Variants in TBC1D4 observed in about 807,000 individuals in gnomAD.
TBC1D4 encodes the protein TBC (Tre-2, BUB2, CDC16) domain-containing protein.
A neutral mutation model predicts 142.5 loss-of-function variants in TBC1D4; 121 were observed. The ratio of observed to expected loss-of-function variants is 0.85; its 90% CI spans 0.73 to 0.99. TBC1D4 has a LOEUF of 0.99. TBC1D4 is among the 50% of genes least tolerant of loss of function. The probability of loss-of-function intolerance (pLI) is 0.00; values close to 1 mark genes in which losing one functional copy is unlikely to be tolerated. For missense variants in TBC1D4, 1,475 were observed against 1,606.6 expected, an observed-to-expected ratio of 0.92 and a Z score of 1.40; for synonymous variants, 630 against 628.2, an observed-to-expected ratio of 1.00 and a Z score of -0.04.
chr13:75,446,835 T>C (rs769114879), intron 1 of TBC1D4, among the ~76,000 whole-genome samples: 14 of 151,556 alleles, frequency 9.2e-5, no homozygotes, highest in Non-Finnish European at 1.9e-4. Flanking sequence ...AATTAGTCCA[T>C]ATAATTTTTT....
chr13:75,371,492 G>C (rs979524404), intron 1 of TBC1D4, among the ~76,000 whole-genome samples: 2 of 152,180 alleles, frequency 1.3e-5, no homozygotes, highest in African/African-American at 2.4e-5. Context: ...TTTCTCCTCT[G>C]CTTTAATTTT....
At chr13:75,331,401 A>C (rs766923733) in intron 8 of TBC1D4, among the ~76,000 whole-genome samples, 9 of 152,108 alleles carry the variant, frequency 5.9e-5, no homozygotes, top group Non-Finnish European at 1.2e-4. Context: ...TTGGGAGGCT[A>C]AGGCGGGAAG....
chr13:75,416,581 A>G (rs751084469), intron 1 of TBC1D4, among the ~76,000 whole-genome samples: 10 of 152,178 alleles, frequency 6.6e-5, no homozygotes, highest in Non-Finnish European at 1.2e-4. Flanking sequence ...ACATACAAGC[A>G]ATACTCAAAA....
chr13:75,443,343 T>C (rs1168031024), intron 1 of TBC1D4, among the ~76,000 whole-genome samples: 4 of 152,238 alleles, frequency 2.6e-5, no homozygotes, highest in African/African-American at 9.6e-5. Flanking sequence ...ATTTTTGTTA[T>C]AATCCCCTGA....
At chr13:75,442,125 A>T (rs1887067742) in intron 1 of TBC1D4, among the ~76,000 whole-genome samples, 1 of 152,196 alleles carries the variant, frequency 6.6e-6, no homozygotes, top group Non-Finnish European at 1.5e-5. Context: ...AACCTCCTCA[A>T]TAATATAGGG....
intron 1 of TBC1D4, among the ~76,000 whole-genome samples, chr13:75,442,789 A>G (rs1207607264): frequency 1.3e-5 from 2 of 152,040 alleles, no homozygotes; most frequent in African/African-American, 4.8e-5. Context: ...GAAAAAAAAA[A>G]AAAGAAAGAA....
At chr13:75,447,239 T>A (rs567785008) in intron 1 of TBC1D4, among the ~76,000 whole-genome samples, 14 of 152,246 alleles carry the variant, frequency 9.2e-5, no homozygotes, top group Admixed American at 7.2e-4. Flanking sequence ...AGGATTAAGG[T>A]AGATTTTTAT....
At chr13:75,316,328 C>T (rs1028935063) in intron 12 of TBC1D4, 1 of 152,156 alleles carries the variant, frequency 6.6e-6, no homozygotes, top group African/African-American at 2.4e-5. Flanking sequence ...TCAAAAATTT[C>T]ATAAACCTAA....
At position 75,302,258 on chromosome 13, in the gene TBC1D4, T is replaced by A; in HGVS notation, c.2896A>T (p.Ile966Phe). 1 of 1,614,224 alleles carries A rather than the reference T, an allele frequency of 6.2e-7. No individual in the cohort carries two copies. The highest frequency in any genetic ancestry group is 8.5e-7 in the Non-Finnish European group (1 of 1,180,032). The change falls in exon 16 of 21, where the codon ATT (isoleucine) becomes TTT (phenylalanine). Residue 966 changes from isoleucine (I) to phenylalanine (F), a missense_variant. Transcript: ENST00000377636. ...ACAAACATACCTAAATCCACGAGAA[T>A]CGCATGCTGCTGAGCAGTGAGCTGC... The part of the protein sequence containing the change: ...LKQLTAQQHA[I>F]LVDLGRTFPT...
chr13:75,410,416 C>A (rs1885589506), intron 1 of TBC1D4, among the ~76,000 whole-genome samples: 1 of 152,128 alleles, frequency 6.6e-6, no homozygotes. Context: ...ATACCACAGC[C>A]CGTCACGCTA....
At chr13:75,361,870 A>T (rs1322587259) in intron 2 of TBC1D4, among the ~76,000 whole-genome samples, 156 bp downstream of exon 2, 1 of 151,414 alleles carries the variant, frequency 6.6e-6, no homozygotes, top group Non-Finnish European at 1.5e-5. Flanking sequence ...TTTCCTCTGC[A>T]CTCTTCCTCC....
At chr13:75,443,605 C>G (rs1451363162) in intron 1 of TBC1D4, among the ~76,000 whole-genome samples, 1 of 152,238 alleles carries the variant, frequency 6.6e-6, no homozygotes, top group East Asian at 1.9e-4. Context: ...TTCCCTGTCT[C>G]TACATCCGTG....
At position 75,285,267 on chromosome 13, in the gene TBC1D4, C is replaced by A. The variant is rs553181027; in HGVS notation, c.*1525G>T. On this transcript the variant is annotated 3_prime_UTR_variant, in exon 21 of 21. Transcript: ENST00000377636. ...GATGTTTGTCATCTGTTCATCAAAG[C>A]TTTCTGAAACCCCTAGAGCTTTACT... 6 of 152,302 alleles carry A rather than the reference C, an allele frequency of 3.9e-5. No homozygotes were observed. Among genetic ancestry groups the A allele is most frequent in the African/African-American group, 1.4e-4 (6 of 41,560 alleles). The allele number at this position is 152,302 out of a possible 1,614,324, so 9.4% of individuals were successfully genotyped here.
At chr13:75,435,894 A>G (rs1886779645) in intron 1 of TBC1D4, among the ~76,000 whole-genome samples, 1 of 152,208 alleles carries the variant, frequency 6.6e-6, no homozygotes, top group South Asian at 2.1e-4. Flanking sequence ...ATAGCCCACT[A>G]CCCAAAATAA....
chr13:75,306,493 G>A (rs778762841), intron 14 of TBC1D4, 22 bp from the exon 15 acceptor site: 21 of 1,611,466 alleles, frequency 1.3e-5, no homozygotes, highest in South Asian at 1.1e-4. Flanking sequence ...AACAATTTAC[G>A]TAAGACCAAT....
intron 14 of TBC1D4, among the ~76,000 whole-genome samples, chr13:75,307,461 AGAAG>A (rs1877297144): frequency 6.6e-6 from 1 of 152,180 alleles, no homozygotes; most frequent in Admixed American, 6.5e-5. Context: ...ATTTCAAAAG[AGAAG>A]GAAGAGCAGA....
At chr13:75,413,858 C>G (rs569410853) in intron 1 of TBC1D4, among the ~76,000 whole-genome samples, 35 of 152,166 alleles carry the variant, frequency 2.3e-4, no homozygotes, top group Non-Finnish European at 5.0e-4. Context: ...TGGTTCTCTA[C>G]AGGATCTCAA....
intron 1 of TBC1D4, among the ~76,000 whole-genome samples, chr13:75,441,485 AT>A (rs1013131280): frequency 2.6e-5 from 4 of 152,170 alleles, no homozygotes; most frequent in African/African-American, 9.7e-5. Flanking sequence ...TAAAAAGGAA[AT>A]TGTATTCTTA....
intron 3 of TBC1D4, among the ~76,000 whole-genome samples, chr13:75,357,386 C>T (rs1009389474): frequency 2.9e-4 from 44 of 152,054 alleles, no homozygotes; most frequent in Admixed American, 2.5e-3. Flanking sequence ...GACTACCAGC[C>T]CCCCATATGA....
Sources: allele counts gnomAD v4.1 joint callset (sites outside exome capture counted in the v4.1 genomes callset), GRCh38; gene constraint gnomAD v4.1.1; transcripts MANE v1.5; gene names NCBI Gene and HGNC (gene_info 2026-07-23, HGNC 2026-07-21).